Variants in ANKRD30B observed in about 807,000 individuals in gnomAD.
ANKRD30B encodes ankyrin repeat domain 30B.
Under a neutral mutation model 202.2 loss-of-function variants are expected in ANKRD30B, and 144 were observed. The observed-to-expected ratio is 0.71, with a 90% CI of 0.62 to 0.82. The LOEUF (loss-of-function observed/expected upper bound fraction) is 0.82. Among genes scored for constraint, ANKRD30B ranks in the 40% least tolerant of loss-of-function variants. The pLI, the probability that ANKRD30B is intolerant of heterozygous loss-of-function variation, is 0.00. For synonymous variants in ANKRD30B, 508 were observed against 561.3 expected, an observed-to-expected ratio of 0.91 and a Z score of 1.34; for missense variants, 1,487 against 1,669.1, an observed-to-expected ratio of 0.89 and a Z score of 1.90.
At chr18:14,784,437 A>G in intron 13 of ANKRD30B, 26 bp from the exon 14 acceptor site, 1 of 1,612,880 alleles carries the variant, frequency 6.2e-7, no homozygotes, top group African/African-American at 1.3e-5. Flanking sequence ...TTCTTTATTG[A>G]TCATTTTTCT....
At chr18:14,897,730 A>T in the ANKRD30B span, among the ~76,000 whole-genome samples, 1 of 151,888 alleles carries the variant, frequency 6.6e-6, no homozygotes, top group Non-Finnish European at 1.5e-5. Flanking sequence ...CTCTGTGCCT[A>T]TAGGTCAAAT....
chr18:14,917,893 C>T, the ANKRD30B span, among the ~76,000 whole-genome samples: 5 of 152,322 alleles, frequency 3.3e-5, no homozygotes, highest in South Asian at 1.0e-3. Context: ...TTCTTCTCCC[C>T]CAGGGCGATG....
At chr18:14,892,885 T>A in the ANKRD30B span, among the ~76,000 whole-genome samples, 1 of 151,388 alleles carries the variant, frequency 6.6e-6, no homozygotes, top group Non-Finnish European at 1.5e-5. Flanking sequence ...ACCACAGCAC[T>A]CCAGTCAGGG....
the ANKRD30B span, among the ~76,000 whole-genome samples, chr18:14,868,016 C>T: frequency 1.3e-5 from 2 of 152,344 alleles, no homozygotes; most frequent in Non-Finnish European, 2.9e-5. Flanking sequence ...GATTCATCTC[C>T]TATGGTTGTG....
At chr18:14,779,253 T>C (rs1247927643) in intron 10 of ANKRD30B, among the ~76,000 whole-genome samples, 1 of 152,208 alleles carries the variant, frequency 6.6e-6, no homozygotes, top group African/African-American at 2.4e-5. Context: ...CCATGAAATG[T>C]GGGAAATTTA....
the ANKRD30B span, among the ~76,000 whole-genome samples, chr18:14,872,411 C>T: frequency 1.4e-4 from 22 of 152,180 alleles, no homozygotes; most frequent in African/African-American, 4.8e-4. Context: ...TAAGAATTCA[C>T]TCTGAGCTTT....
At chr18:14,787,970 A>G (rs1968194050) in intron 15 of ANKRD30B, among the ~76,000 whole-genome samples, 2 of 152,210 alleles carry the variant, frequency 1.3e-5, no homozygotes, top group African/African-American at 4.8e-5. Context: ...ATTCTATTCA[A>G]GCACTTTTTC....
At chr18:14,773,724 C>T (rs182168643) in intron 9 of ANKRD30B, among the ~76,000 whole-genome samples, 28 of 148,970 alleles carry the variant, frequency 1.9e-4, no homozygotes, top group Admixed American at 1.7e-3. Context: ...GGTGTGATCT[C>T]GGCTCACTGC....
At chr18:14,872,797 A>G in the ANKRD30B span, among the ~76,000 whole-genome samples, 3 of 152,164 alleles carry the variant, frequency 2.0e-5, no homozygotes, top group African/African-American at 7.2e-5. Context: ...GCAGGAGTCG[A>G]TACAACTGGC....
the ANKRD30B span, among the ~76,000 whole-genome samples, chr18:14,935,159 A>G: frequency 1.3e-5 from 2 of 152,298 alleles, no homozygotes; most frequent in East Asian, 3.9e-4. Flanking sequence ...TAGCACAGCC[A>G]TTGTCATAGC....
chr18:14,887,578 AT>A, the ANKRD30B span, among the ~76,000 whole-genome samples: 1 of 151,674 alleles, frequency 6.6e-6, no homozygotes, highest in Non-Finnish European at 1.5e-5. Flanking sequence ...TCAGGCTCTC[AT>A]TTTTGTCTGC....
Position 14,748,376 on chromosome 18 carries a change from G to C in ANKRD30B, c.-44G>C. The stretch of plus-strand genomic sequence containing the variant: ...GGGCGAGGGGTAGGGGCTGGGGAAG[G>C]GCGAGCGGGAGGCGCGGGCTCTCTC... On this transcript the variant is annotated 5_prime_UTR_variant, in exon 1 of 44. Transcript: ENST00000690538. The C allele has an allele frequency of 7.1e-7, 1 of 1,413,248 alleles. No individual in the cohort carries two copies. The highest frequency in any genetic ancestry group is 9.3e-7 in the Non-Finnish European group (1 of 1,074,338). The allele number at this position is 1,413,248 out of a possible 1,614,324, so 87.5% of individuals were successfully genotyped here.
intron 9 of ANKRD30B, among the ~76,000 whole-genome samples, chr18:14,772,987 A>G (rs1431720177): frequency 6.6e-6 from 1 of 152,064 alleles, no homozygotes; most frequent in Non-Finnish European, 1.5e-5. Flanking sequence ...AGAAATGTAA[A>G]TTCTGTTTCT....
the ANKRD30B span, among the ~76,000 whole-genome samples, chr18:14,863,120 G>C: frequency 1.3e-5 from 2 of 152,070 alleles, no homozygotes; most frequent in African/African-American, 4.8e-5. Flanking sequence ...AGATTTTTGG[G>C]GACTACTGAG....
the ANKRD30B span, chr18:14,888,735 GT>G: frequency 1.0e-6 from 1 of 958,294 alleles, no homozygotes; most frequent in Non-Finnish European, 1.5e-6. Context: ...AACGTGGGCT[GT>G]TTTTGTTCTT....
At chr18:14,925,001 C>T in the ANKRD30B span, among the ~76,000 whole-genome samples, 1 of 152,214 alleles carries the variant, frequency 6.6e-6, no homozygotes, top group Non-Finnish European at 1.5e-5. Flanking sequence ...GTTATGAGCA[C>T]TGAATGGGGC....
chr18:14,869,193 G>C, the ANKRD30B span, among the ~76,000 whole-genome samples: 3 of 152,170 alleles, frequency 2.0e-5, no homozygotes, highest in African/African-American at 7.2e-5. Context: ...TAGCTTGAGG[G>C]TTGAAAACAC....
At chr18:14,895,621 A>G in the ANKRD30B span, among the ~76,000 whole-genome samples, 1 of 152,236 alleles carries the variant, frequency 6.6e-6, no homozygotes, top group Admixed American at 6.5e-5. Context: ...AGATGCAACC[A>G]ACATATCCAA....
the ANKRD30B span, among the ~76,000 whole-genome samples, chr18:14,875,997 G>C: frequency 3.9e-5 from 6 of 152,238 alleles, no homozygotes; most frequent in East Asian, 9.7e-4. Context: ...AGGTGGTCTT[G>C]CCTGAAACTA....
Sources: allele counts gnomAD v4.1 joint callset (sites outside exome capture counted in the v4.1 genomes callset), GRCh38; gene constraint gnomAD v4.1.1; transcripts MANE v1.5; gene names NCBI Gene and HGNC (gene_info 2026-07-23, HGNC 2026-07-21).